PRKCA: variants seen among roughly 807,000 people sequenced by gnomAD.
The protein encoded by PRKCA is protein kinase C alpha type.
Under a neutral mutation model 87.0 loss-of-function variants are expected in PRKCA, and 27 were observed. The ratio of observed to expected loss-of-function variants is 0.31; its 90% CI spans 0.23 to 0.43. PRKCA has a LOEUF of 0.43. Among genes scored for constraint, PRKCA ranks in the 20% least tolerant of loss-of-function variants. The pLI is 1.00. For missense variants in PRKCA, 518 were observed against 852.3 expected, an observed-to-expected ratio of 0.61 and a Z score of 4.88; for synonymous variants, 329 against 311.1, an observed-to-expected ratio of 1.06 and a Z score of -0.61.
At chr17:66,628,152 A>T (rs1970910285) in intron 3 of PRKCA, among the ~76,000 whole-genome samples, 1 of 151,900 alleles carries the variant, frequency 6.6e-6, no homozygotes, top group Admixed American at 6.6e-5. Flanking sequence ...AAGCAGCTTG[A>T]TCAAAAACAG....
chr17:66,351,151 G>T (rs1325460015), intron 2 of PRKCA, among the ~76,000 whole-genome samples: 1 of 152,184 alleles, frequency 6.6e-6, no homozygotes, highest in East Asian at 1.9e-4. Context: ...TGGGGAGTGG[G>T]TATGCAGTGA....
At chr17:66,459,931 G>T (rs1388132111) in intron 2 of PRKCA, among the ~76,000 whole-genome samples, 1 of 152,188 alleles carries the variant, frequency 6.6e-6, no homozygotes, top group Admixed American at 6.5e-5. Context: ...GGCCACATCA[G>T]CAGGCCTTGA....
chr17:66,697,290 T>C (rs1972946393), intron 8 of PRKCA, among the ~76,000 whole-genome samples: 1 of 152,188 alleles, frequency 6.6e-6, no homozygotes, highest in South Asian at 2.1e-4. Context: ...GTCAGCACAG[T>C]GGTGGAATAG....
intron 2 of PRKCA, among the ~76,000 whole-genome samples, chr17:66,460,784 G>A (rs868091480): frequency 8.5e-4 from 129 of 152,288 alleles, no homozygotes; most frequent in African/African-American, 2.9e-3. Context: ...CTAGCAAAGC[G>A]GGGACTGAAG....
chr17:66,697,769 T>G (rs556748838), intron 8 of PRKCA, among the ~76,000 whole-genome samples: 2 of 152,244 alleles, frequency 1.3e-5, no homozygotes, highest in South Asian at 2.1e-4. Context: ...AGACACCTCA[T>G]CTACTGTTCC....
At position 66,646,664 on chromosome 17, in the gene PRKCA, A is replaced by G. The variant is rs1245634877; in HGVS notation, c.529+1153A>G. Among the ~76,000 whole-genome samples, 5 of 152,340 alleles carry G rather than the reference A, an allele frequency of 3.3e-5. No homozygotes were observed. The East Asian group carries it at 9.6e-4, about 29-fold the overall frequency. On this transcript the variant is annotated intron_variant, in intron 5 of 16. Coordinates refer to ENST00000413366, the MANE Select transcript of PRKCA (RefSeq NM_002737.3). ...TAGGAGGATCTGTTTTAAGAAAAAAAGGGGAAGGTGGGGACTTCCAAAGAA... is the reference window on the plus strand; with the variant it reads ...TAGGAGGATCTGTTTTAAGAAAAAAGGGGGAAGGTGGGGACTTCCAAAGAA...
chr17:66,630,247 A>G (rs1384231288), intron 3 of PRKCA, among the ~76,000 whole-genome samples: 1 of 152,246 alleles, frequency 6.6e-6, no homozygotes, highest in Non-Finnish European at 1.5e-5. Flanking sequence ...TCCTTGAAAC[A>G]AAAACTGGAA....
At chr17:66,791,614 G>A (rs1183440901) in intron 16 of PRKCA, among the ~76,000 whole-genome samples, 2 of 152,210 alleles carry the variant, frequency 1.3e-5, no homozygotes, top group South Asian at 2.1e-4. Flanking sequence ...CCAGGCAGCC[G>A]AGTGAGGCTC....
At position 66,587,895 on chromosome 17, in the gene PRKCA, G is replaced by GTGTA. The variant is rs1485055138; in HGVS notation, c.289-53459_289-53458insGTAT. 9.1e-4 allele frequency among the ~76,000 whole-genome samples: 78 copies of GTGTA among 85,366 alleles called. 6 individuals carry two copies. The highest frequency in any genetic ancestry group is 3.1e-3 in the African/African-American group (77 of 25,016). The allele number at this position is 85,366 out of a possible 152,430, so 56.0% of individuals were successfully genotyped here. A position where few individuals can be genotyped will look rare whatever the true frequency, so the allele number is the denominator to read the frequency against. ...TGTGTGTGTGTGTGTGTGTGTGTGT[G>GTGTA]TATATATATATATATATATATATAT... is the stretch of plus-strand genomic sequence containing the variant. On this transcript the variant is annotated intron_variant, in intron 3 of 16. Transcript: ENST00000413366.
chr17:66,493,657 T>C (rs140467604), intron 2 of PRKCA, among the ~76,000 whole-genome samples: 21 of 152,120 alleles, frequency 1.4e-4, no homozygotes, highest in African/African-American at 4.3e-4. Flanking sequence ...CCATAAAATA[T>C]AGATATTGCA....
At chr17:66,321,290 C>T (rs1392941768) in intron 2 of PRKCA, among the ~76,000 whole-genome samples, 1 of 152,106 alleles carries the variant, frequency 6.6e-6, no homozygotes, top group Non-Finnish European at 1.5e-5. Flanking sequence ...GTCTCTTGGA[C>T]ATTCTTTATT....
intron 2 of PRKCA, among the ~76,000 whole-genome samples, chr17:66,442,592 C>G (rs1475432057): frequency 6.6e-6 from 1 of 152,140 alleles, no homozygotes; most frequent in African/African-American, 2.4e-5. Context: ...CCTGCGTCTC[C>G]AGCCGCCTCT....
intron 3 of PRKCA, among the ~76,000 whole-genome samples, chr17:66,510,188 T>A (rs1444563273): frequency 6.6e-6 from 1 of 152,212 alleles, no homozygotes; most frequent in Non-Finnish European, 1.5e-5. Flanking sequence ...GTGGAATATC[T>A]GTGAAATGTT....
chr17:66,303,598 C>T (rs1421889596), intron 1 of PRKCA, among the ~76,000 whole-genome samples: 1 of 152,070 alleles, frequency 6.6e-6, no homozygotes, highest in African/African-American at 2.4e-5. Context: ...CACGGAGAGA[C>T]TGACTTTTCT....
chr17:66,436,083 C>T (rs533850243), intron 2 of PRKCA, among the ~76,000 whole-genome samples: 1 of 152,074 alleles, frequency 6.6e-6, no homozygotes, highest in Admixed American at 6.5e-5. Context: ...CATTTTCAGG[C>T]ATTATGGAGA....
intron 5 of PRKCA, among the ~76,000 whole-genome samples, chr17:66,660,197 C>G (rs1007894509): frequency 2.6e-5 from 4 of 152,072 alleles, no homozygotes; most frequent in African/African-American, 9.7e-5. Context: ...GAACAAAGAA[C>G]AGCAGTCAGA....
chr17:66,539,629 C>T (rs1435974444), intron 3 of PRKCA, among the ~76,000 whole-genome samples: 1 of 152,138 alleles, frequency 6.6e-6, no homozygotes, highest in Non-Finnish European at 1.5e-5. Flanking sequence ...TAGTCTCGAT[C>T]ACCTGATTTG....
At chr17:66,683,387 C>G (rs185199889) in intron 5 of PRKCA, among the ~76,000 whole-genome samples, 1 of 152,336 alleles carries the variant, frequency 6.6e-6, no homozygotes, top group Non-Finnish European at 1.5e-5. Context: ...TGAACAGTGC[C>G]TGGACCTGGC....
intron 13 of PRKCA, among the ~76,000 whole-genome samples, chr17:66,764,820 T>C (rs1183424590): frequency 6.6e-6 from 1 of 152,218 alleles, no homozygotes; most frequent in Non-Finnish European, 1.5e-5. Flanking sequence ...AGCCCTGGGC[T>C]TGGCTGTAAG....
Sources: allele counts gnomAD v4.1 joint callset (sites outside exome capture counted in the v4.1 genomes callset), GRCh38; gene constraint gnomAD v4.1.1; transcripts MANE v1.5; gene names NCBI Gene and HGNC (gene_info 2026-07-23, HGNC 2026-07-21).